The following DGKB variants were observed in gnomAD, a reference collection of about 807,000 sequenced individuals.
DGKB encodes 90 kDa diacylglycerol kinase.
In DGKB, 67 loss-of-function variants were observed where a neutral mutation model predicts 114.3. The ratio of observed to expected loss-of-function variants is 0.59; its 90% confidence interval spans 0.48 to 0.72. The LOEUF is 0.72. Ranked by LOEUF, DGKB falls within the 30% of genes least tolerant of loss-of-function variation. The pLI is 0.00. For missense variants in DGKB, 907 were observed against 975.2 expected, an observed-to-expected ratio of 0.93 and a Z score of 0.93; for synonymous variants, 398 against 323.1, an observed-to-expected ratio of 1.23 and a Z score of -2.49.
intron 25 of DGKB, among the ~76,000 whole-genome samples, chr7:14,155,017 T>C (rs1782792495): frequency 6.6e-6 from 1 of 152,014 alleles, no homozygotes; most frequent in South Asian, 2.1e-4. Context: ...GACTCCCCGG[T>C]CCCACCCCAG....
intron 21 of DGKB, among the ~76,000 whole-genome samples, chr7:14,422,083 T>G (rs1015313493): frequency 6.6e-6 from 1 of 152,050 alleles, no homozygotes; most frequent in Admixed American, 6.6e-5. Context: ...AAAAATGCAC[T>G]TGTGACAACT....
chr7:14,625,240 T>A (rs1353828068), intron 14 of DGKB, among the ~76,000 whole-genome samples: 1 of 152,116 alleles, frequency 6.6e-6, no homozygotes, highest in African/African-American at 2.4e-5. Flanking sequence ...AGTGATTTCT[T>A]TGGGGAAAAA....
intron 23 of DGKB, among the ~76,000 whole-genome samples, chr7:14,212,826 T>G (rs2128310259): frequency 6.6e-6 from 1 of 152,244 alleles, no homozygotes; most frequent in Middle Eastern, 3.4e-3. Flanking sequence ...TTAAGCTAGA[T>G]AATTCACCAT....
chr7:14,172,876 C>T (rs1021150894), intron 25 of DGKB, among the ~76,000 whole-genome samples: 6 of 152,116 alleles, frequency 3.9e-5, no homozygotes, highest in Non-Finnish European at 8.8e-5. Context: ...GCTGCTCTTT[C>T]TTCTTCCCAT....
At chr7:14,691,749 G>A (rs1481405385) in intron 9 of DGKB, among the ~76,000 whole-genome samples, 3 of 151,688 alleles carry the variant, frequency 2.0e-5, no homozygotes, top group Non-Finnish European at 4.4e-5. Flanking sequence ...ACAGAGATGG[G>A]GTGGGGGGCG....
chr7:14,391,202 G>A (rs921308427), intron 21 of DGKB, among the ~76,000 whole-genome samples: 1 of 152,100 alleles, frequency 6.6e-6, no homozygotes, highest in African/African-American at 2.4e-5. Flanking sequence ...AACTATTTTT[G>A]CATGGAAATG....
chr7:14,894,447 G>A (rs1562836298), intron 1 of DGKB, among the ~76,000 whole-genome samples: 1 of 151,270 alleles, frequency 6.6e-6, no homozygotes, highest in African/African-American at 2.4e-5. Context: ...CTTCTTAGTG[G>A]AGAAAAATTT....
At chr7:14,969,855 T>C (rs578060432) in intron 1 of DGKB, among the ~76,000 whole-genome samples, 2 of 152,250 alleles carry the variant, frequency 1.3e-5, no homozygotes, top group East Asian at 3.9e-4. Flanking sequence ...TATAACACAA[T>C]GGTAAGTATT....
At chr7:14,616,004 TA>T (rs1431388067) in intron 15 of DGKB, among the ~76,000 whole-genome samples, 2 of 151,254 alleles carry the variant, frequency 1.3e-5, no homozygotes, top group Non-Finnish European at 3.0e-5. Flanking sequence ...CTTACATTAA[TA>T]TTTTTTAAAT....
chr7:14,496,163 A>G (rs2128943626), intron 20 of DGKB, among the ~76,000 whole-genome samples: 1 of 151,928 alleles, frequency 6.6e-6, no homozygotes, highest in Non-Finnish European at 1.5e-5. Flanking sequence ...CCTTACCTTT[A>G]ACAAATAAAT....
At chr7:14,567,525 T>TGG (rs1393047809) in intron 20 of DGKB, among the ~76,000 whole-genome samples, 3 of 93,738 alleles carry the variant, frequency 3.2e-5, no homozygotes, top group African/African-American at 1.2e-4. Context: ...ATTTATATAT[T>TGG]ATAATTATAT....
In DGKB at chr7:14,477,878, G is replaced by C. The variant is rs533270182; in HGVS notation, c.1835+283C>G. 4.6e-5 allele frequency among the ~76,000 whole-genome samples: 7 copies of C among 152,128 alleles called. No individual in the cohort carries two copies. In the East Asian group the frequency reaches 1.4e-3, roughly 29 times the overall value. On this transcript the variant is annotated intron_variant, in intron 21 of 25. Transcript: ENST00000402815. ...TATACGTCATGAAAACTTCCAGTGT[G>C]TCTTAAAACTATTAATTTCATGTTT...
intron 20 of DGKB, among the ~76,000 whole-genome samples, chr7:14,554,011 T>C (rs1417719804): frequency 6.6e-6 from 1 of 151,618 alleles, no homozygotes; most frequent in African/African-American, 2.4e-5. Context: ...TAGCTGGGAC[T>C]ACAGGCAACC....
chr7:14,554,214 T>C (rs1054586328), intron 20 of DGKB, among the ~76,000 whole-genome samples: 2 of 152,110 alleles, frequency 1.3e-5, no homozygotes, highest in East Asian at 3.9e-4. Context: ...AAGACATTTA[T>C]GTTTGATCAC....
chr7:14,640,791 C>T (rs968466806), intron 13 of DGKB, among the ~76,000 whole-genome samples: 5 of 152,154 alleles, frequency 3.3e-5, no homozygotes, highest in South Asian at 4.1e-4. Flanking sequence ...AAGTCATGTA[C>T]ATAAATACTT....
At chr7:14,524,807 T>A (rs1381079233) in intron 20 of DGKB, among the ~76,000 whole-genome samples, 2 of 151,266 alleles carry the variant, frequency 1.3e-5, no homozygotes, top group African/African-American at 4.9e-5. Flanking sequence ...TCTTTCCTGA[T>A]AAGACCACGA....
chr7:14,714,789 T>C (rs1295784163), intron 6 of DGKB, among the ~76,000 whole-genome samples: 1 of 152,202 alleles, frequency 6.6e-6, no homozygotes, highest in African/African-American at 2.4e-5. Flanking sequence ...ATAAGTTGAA[T>C]GTCTGAAATT....
At chr7:14,163,740 C>A (rs557543625) in intron 25 of DGKB, among the ~76,000 whole-genome samples, 1 of 152,146 alleles carries the variant, frequency 6.6e-6, no homozygotes, top group African/African-American at 2.4e-5. Context: ...CCCCTGTAAT[C>A]CCAGCACTTT....
At chr7:14,354,375 C>A (rs1814064954) in intron 21 of DGKB, among the ~76,000 whole-genome samples, 1 of 152,074 alleles carries the variant, frequency 6.6e-6, no homozygotes, top group Non-Finnish European at 1.5e-5. Context: ...TAGCATGTTT[C>A]CACTCCTGAC....
Sources: gnomAD v4.1 joint callset for allele counts (sites outside exome capture counted in the v4.1 genomes callset) on GRCh38, gnomAD v4.1.1 for gene constraint, MANE v1.5 for transcripts, NCBI Gene and HGNC (gene_info 2026-07-23, HGNC 2026-07-21) for gene names.